Variants in SFTPA1 observed in about 807,000 individuals in gnomAD.
SFTPA1 encodes the protein pulmonary surfactant-associated protein A1.
SFTPA1 carries 13 observed loss-of-function variants against 19.1 expected under a neutral mutation model. The ratio of observed to expected loss-of-function variants is 0.68; its 90% CI spans 0.44 to 1.08. SFTPA1 has a LOEUF of 1.08. Ranked by LOEUF, SFTPA1 falls within the 50% of genes least tolerant of loss-of-function variation. The pLI, the probability that SFTPA1 is intolerant of heterozygous loss-of-function variation, is 0.00. For synonymous variants in SFTPA1, 101 were observed against 117.0 expected (o/e 0.86, Z 0.88); for missense variants, 259 against 316.4 (o/e 0.82, Z 1.38).
At position 79,613,277 on chromosome 10, in the gene SFTPA1, C is replaced by A; in HGVS notation, c.370+11C>A. ...TGCAGACAAGGGGAGGTAAGGGGACCCCCTGGGCCTCACGGGGTAGGAGTT... is the reference window on the plus strand; with the variant it reads ...TGCAGACAAGGGGAGGTAAGGGGACACCCTGGGCCTCACGGGGTAGGAGTT... On this transcript the variant is annotated intron_variant, in intron 5 of 5. Coordinates refer to ENST00000398636, the MANE Select transcript of SFTPA1 (RefSeq NM_005411.5). 1 of 1,614,018 alleles carries A rather than the reference C, an allele frequency of 6.2e-7. No homozygotes were observed. The highest frequency in any genetic ancestry group is 8.5e-7 in the Non-Finnish European group (1 of 1,179,986).
Position 79,612,298 on chromosome 10 carries a change from T to G in SFTPA1, c.173-14T>G, listed in dbSNP as rs920669931. ...GTGACAGATCCTACACATCCATGTC[T>G]CTTTTCTCTGCAGGCCCCATGGGTC... On this transcript the variant is annotated splice_polypyrimidine_tract_variant and intron_variant, in intron 3 of 5. Transcript: ENST00000398636. The G allele has an allele frequency of 3.1e-6, 5 of 1,613,868 alleles. No individual in the cohort carries two copies. Among genetic ancestry groups the G allele is most frequent in the Non-Finnish European group, 4.2e-6 (5 of 1,179,870 alleles).
intron 2 of SFTPA1, 49 bp downstream of exon 2, chr10:79,611,438 A>G (rs1298213921): frequency 8.4e-6 from 7 of 833,810 alleles, no homozygotes; most frequent in Non-Finnish European, 1.3e-5. Context: ...GGTTTTCTGC[A>G]GAGCACGGAA....
rs4253515 is a variant in SFTPA1, at chr10:79,612,689, T to C, written c.292+258T>C. Among the ~76,000 whole-genome samples, 32,727 of 151,320 alleles carry C rather than the reference T, an allele frequency of 0.22. 3,847 individuals carry two copies. Among genetic ancestry groups the C allele is most frequent in the East Asian group, 0.46 (2,367 of 5,144 alleles). On this transcript the variant is annotated intron_variant, in intron 4 of 5. Coordinates refer to ENST00000398636, the MANE Select transcript of SFTPA1 (RefSeq NM_005411.5). Reference sequence around the variant, plus strand: ...GGGACACACTGAGTCAGGTGTGGGATGAGGGACAGCACTGGGAGGCAGGGG... The same window carrying C: ...GGGACACACTGAGTCAGGTGTGGGACGAGGGACAGCACTGGGAGGCAGGGG...
At chr10:79,613,375 G>A in intron 5 of SFTPA1, 109 bp downstream of exon 5, 1 of 1,522,902 alleles carries the variant, frequency 6.6e-7, no homozygotes. Context: ...GCACATGCAG[G>A]TCTTGGGGAA....
Position 79,611,859 on chromosome 10 carries a change from T to C in SFTPA1, c.34T>C (p.Leu12=), listed in dbSNP as rs1859868433. 1 of 1,614,034 alleles carries C rather than the reference T, an allele frequency of 6.2e-7. No homozygotes were observed. The highest frequency in any genetic ancestry group is 8.5e-7 in the Non-Finnish European group (1 of 1,179,862). ...GTGCCCTCTGGCCCTCAACCTCATC[T>C]TGATGGCAGCCTCTGGTGCTGTGTG... The part of the protein sequence containing the change: ...WLCPLALNLI[L]MAASGAVCEV... Residue 12 remains leucine, a synonymous_variant, in exon 3 of 6, where the codon TTG becomes CTG. Coordinates refer to ENST00000398636, the MANE Select transcript of SFTPA1 (RefSeq NM_005411.5).
intron 4 of SFTPA1, 114 bp downstream of exon 4, chr10:79,612,545 G>T: frequency 6.6e-7 from 1 of 1,520,678 alleles, no homozygotes; most frequent in Non-Finnish European, 9.0e-7. Flanking sequence ...AGGGCATTTG[G>T]CTCAACCTAA....
At position 79,614,145 on chromosome 10, in the gene SFTPA1, C is replaced by G. The variant is rs2132141481; in HGVS notation, c.*32C>G. ...TTTAGGCCATGGGACAGGGAGGACG[C>G]TCTCTGGCCTTCGGCCTCCATCCTG... On this transcript the variant is annotated 3_prime_UTR_variant, in exon 6 of 6. Transcript: ENST00000398636. 1.9e-6 allele frequency: 3 copies of G among 1,614,212 alleles called. No individual in the cohort carries two copies. In the East Asian group the frequency reaches 6.7e-5, roughly 36 times the overall value.
In SFTPA1 at chr10:79,611,292, G is replaced by A. The variant is rs891134565; in HGVS notation, c.-94-27G>A. On this transcript the variant is annotated intron_variant, in intron 1 of 5. Coordinates refer to ENST00000398636, the MANE Select transcript of SFTPA1 (RefSeq NM_005411.5). ...CACCTTGAGGGGGGCCAGGCTGCGG[G>A]CCCCGTTCATCTTTTTTCATTCTCA... 8 of 327,844 alleles carry A rather than the reference G, an allele frequency of 2.4e-5. No homozygotes were observed. In the Admixed American group the frequency reaches 3.6e-4, roughly 15 times the overall value. 20.3% of individuals were successfully genotyped at this position (327,844 alleles called of 1,614,324 possible).
In SFTPA1 at chr10:79,611,338, C is replaced by T. The variant is rs1431825802; in HGVS notation, c.-75C>T. The T allele has an allele frequency of 1.2e-5, 5 of 407,286 alleles. No homozygotes were observed. The highest frequency in any genetic ancestry group is 2.2e-5 in the Non-Finnish European group (5 of 228,106). 25.2% of individuals were successfully genotyped at this position (407,286 alleles called of 1,614,324 possible). ...TCTCAGGTCGCTGATTTCTTGGAGCCTGAAAAGAAAGTAACACAGCAGGGA... is the reference window on the plus strand; with the variant it reads ...TCTCAGGTCGCTGATTTCTTGGAGCTTGAAAAGAAAGTAACACAGCAGGGA... On this transcript the variant is annotated 5_prime_UTR_variant, in exon 2 of 6. Coordinates refer to ENST00000398636, the MANE Select transcript of SFTPA1 (RefSeq NM_005411.5).
intron 1 of SFTPA1, 99 bp from the exon 2 acceptor site, chr10:79,611,220 G>T (rs1249838570): frequency 1.4e-5 from 3 of 208,934 alleles, no homozygotes; most frequent in African/African-American, 2.3e-5. Flanking sequence ...TACAGGAGGG[G>T]CAGTGAGAGA....
rs1290549277 is a variant in SFTPA1, at chr10:79,613,173, G to T, written c.293-16G>T. The T allele has an allele frequency of 1.2e-6, 2 of 1,613,976 alleles. No individual in the cohort carries two copies. The highest frequency in any genetic ancestry group is 1.7e-5 in the Admixed American group (1 of 60,020). On this transcript the variant is annotated splice_polypyrimidine_tract_variant and intron_variant, in intron 4 of 5. Transcript: ENST00000398636. ...CACTGGCCTGCCCCTCCTTCTGTGT[G>T]GGGCACTCTCCACAGGGCTTCCAGC...
At chr10:79,612,968 T>G (rs1589240248) in intron 4 of SFTPA1, among the ~76,000 whole-genome samples, 2 of 149,334 alleles carry the variant, frequency 1.3e-5, no homozygotes, top group African/African-American at 5.0e-5. Flanking sequence ...GGACAAGGGG[T>G]GGGGGTCTCA....
At position 79,611,785 on chromosome 10, in the gene SFTPA1, C is replaced by T. The variant is rs368586928; in HGVS notation, c.-23-18C>T. 3.2e-5 allele frequency: 51 copies of T among 1,613,904 alleles called. No individual in the cohort carries two copies. The highest frequency in any genetic ancestry group is 2.2e-4 in the South Asian group (20 of 91,062). ...TTGGCAGAGGTGGCAGATGGGCTCA[C>T]GGCCATCCCTCCTGCAGGAGCAGCG... On this transcript the variant is annotated intron_variant, in intron 2 of 5. Transcript: ENST00000398636.
Position 79,614,428 on chromosome 10 carries a change from T to A in SFTPA1, c.*315T>A. ...CTGGTCCAGTTCCTTCACTTACAGA[T>A]GGCAGCAGTGAGGTCTTGGGGTAGA... is the stretch of plus-strand genomic sequence containing the variant. On this transcript the variant is annotated 3_prime_UTR_variant, in exon 6 of 6. Coordinates refer to ENST00000398636, the MANE Select transcript of SFTPA1 (RefSeq NM_005411.5). The A allele has an allele frequency of 2.3e-6, 1 of 427,454 alleles. No homozygotes were observed. Among genetic ancestry groups the A allele is most frequent in the Non-Finnish European group, 4.3e-6 (1 of 230,064 alleles). 26.5% of individuals were successfully genotyped at this position (427,454 alleles called of 1,614,324 possible). A position where few individuals can be genotyped will look rare whatever the true frequency, so the allele number is the denominator to read the frequency against.
intron 2 of SFTPA1, 155 bp from the exon 3 acceptor site, chr10:79,611,648 C>G: frequency 6.4e-7 from 1 of 1,557,214 alleles, no homozygotes; most frequent in Admixed American, 1.9e-5. Flanking sequence ...CCAGGTGATG[C>G]TGGGAATTTT....
chr10:79,611,665 A>T lies in SFTPA1; in HGVS notation c.-23-138A>T, dbSNP rs2678553. On this transcript the variant is annotated intron_variant, in intron 2 of 5. Transcript: ENST00000398636. ...AGGTGATGCTGGGAATTTTCCCGGGAGCTTCGGGTCTTCCCAGCACTCTGG... is the reference window on the plus strand; with the variant it reads ...AGGTGATGCTGGGAATTTTCCCGGGTGCTTCGGGTCTTCCCAGCACTCTGG... The T allele has an allele frequency of 0.088, 136,670 of 1,552,272 alleles. 7,473 individuals carry two copies. The highest frequency in any genetic ancestry group is 0.22 in the East Asian group (9,284 of 41,818).
chr10:79,612,835 G>T (rs1264894403), intron 4 of SFTPA1, among the ~76,000 whole-genome samples: 1 of 152,124 alleles, frequency 6.6e-6, no homozygotes, highest in African/African-American at 2.4e-5. Flanking sequence ...GCTCAGAGCG[G>T]TAAGCAAGTC....
Position 79,615,129 on chromosome 10 carries a change from G to C in SFTPA1, c.*1016G>C. On this transcript the variant is annotated 3_prime_UTR_variant, in exon 6 of 6. Coordinates refer to ENST00000398636, the MANE Select transcript of SFTPA1 (RefSeq NM_005411.5). Reference sequence around the variant, plus strand: ...CCCCCAGCTACCAAAATTACTACCAGAACTGTTACTATACACAGAGGCTAT... The same window carrying C: ...CCCCCAGCTACCAAAATTACTACCACAACTGTTACTATACACAGAGGCTAT... 2.3e-6 allele frequency: 3 copies of C among 1,296,882 alleles called. No individual in the cohort carries two copies. The highest frequency in any genetic ancestry group is 3.1e-6 in the Non-Finnish European group (3 of 982,546). 80.3% of individuals were successfully genotyped at this position (1,296,882 alleles called of 1,614,324 possible).
chr10:79,614,758 G>A lies in SFTPA1; in HGVS notation c.*645G>A, dbSNP rs1402397015. 1 of 333,238 alleles carries A rather than the reference G, an allele frequency of 3.0e-6. No individual in the cohort carries two copies. The highest frequency in any genetic ancestry group is 6.1e-6 in the Non-Finnish European group (1 of 162,880). 20.6% of individuals were successfully genotyped at this position (333,238 alleles called of 1,614,324 possible). On this transcript the variant is annotated 3_prime_UTR_variant, in exon 6 of 6. Coordinates refer to ENST00000398636, the MANE Select transcript of SFTPA1 (RefSeq NM_005411.5). ...ATTCACTCCTTTGAGTCTTTGAATGGCAACTCAGCCCCCTGACCTGAAGAC... is the reference window on the plus strand; with the variant it reads ...ATTCACTCCTTTGAGTCTTTGAATGACAACTCAGCCCCCTGACCTGAAGAC...
Sources: gnomAD v4.1 joint callset for allele counts (sites outside exome capture counted in the v4.1 genomes callset) on GRCh38, gnomAD v4.1.1 for gene constraint, MANE v1.5 for transcripts, NCBI Gene and HGNC (gene_info 2026-07-23, HGNC 2026-07-21) for gene names.